The following RB1 variants were observed in gnomAD, a reference collection of about 807,000 sequenced individuals.
RB1 encodes the protein retinoblastoma-associated protein.
A neutral mutation model predicts 135.4 loss-of-function variants in RB1; 18 were observed. The ratio of observed to expected loss-of-function variants is 0.13; its 90% CI spans 0.09 to 0.20. The LOEUF (loss-of-function observed/expected upper bound fraction) is 0.20. Among genes scored for constraint, RB1 ranks in the 10% least tolerant of loss-of-function variants. The pLI is 1.00. For missense variants in RB1, 868 were observed against 1,110.0 expected, an observed-to-expected ratio of 0.78 and a Z score of 3.10; for synonymous variants, 365 against 373.2, an observed-to-expected ratio of 0.98 and a Z score of 0.25.
intron 2 of RB1, chr13:48,318,381 G>A (rs1316513562): frequency 6.7e-7 from 1 of 1,492,036 alleles, no homozygotes; most frequent in Non-Finnish European, 9.2e-7. Flanking sequence ...CTTTCGCTTG[G>A]ACCTTAAGTC....
At chr13:48,364,845 G>T in intron 8 of RB1, 49 bp from the exon 9 acceptor site, 1 of 1,536,412 alleles carries the variant, frequency 6.5e-7, no homozygotes, top group South Asian at 1.2e-5. Flanking sequence ...CAAGAGATTA[G>T]ATTTTGTTTT....
Position 48,319,851 on chromosome 13 carries a change from CG to C in RB1, c.264+12448del. 1 of 328,624 alleles carries C rather than the reference CG, an allele frequency of 3.0e-6. No individual in the cohort carries two copies. The allele number at this position is 328,624 out of a possible 1,614,324, so 20.4% of individuals were successfully genotyped here. A position where few individuals can be genotyped will look rare whatever the true frequency, so the allele number is the denominator to read the frequency against. ...AGGAGTCGTTGCTGCTCGCTCTGAC[CG>C]GGAAGGCAGAACCCTAGTCCTCACT... On this transcript the variant is annotated intron_variant, in intron 2 of 26. Transcript: ENST00000267163. The surrounding 1 kb of genome is among the most constrained non-coding windows in gnomAD (Gnocchi z 5.0).
At chr13:48,316,733 A>T (rs1373788784) in intron 2 of RB1, 8 of 18,178 alleles carry the variant, frequency 4.4e-4, no homozygotes, top group African/African-American at 2.0e-3. Context: ...ACACACACAC[A>T]CACACACACA....
At chr13:48,410,176 A>G (rs917977216) in intron 17 of RB1, among the ~76,000 whole-genome samples, 2 of 152,224 alleles carry the variant, frequency 1.3e-5, no homozygotes, top group African/African-American at 4.8e-5. Flanking sequence ...ATTTACAGTC[A>G]TGCATCACGT....
At chr13:48,431,125 C>G (rs749545164) in intron 17 of RB1, among the ~76,000 whole-genome samples, 4 of 122,704 alleles carry the variant, frequency 3.3e-5, no homozygotes, top group Non-Finnish European at 7.2e-5. Context: ...GGAAACAAGT[C>G]TGTTAGAACA....
At chr13:48,391,803 G>C (rs1011525949) in intron 17 of RB1, among the ~76,000 whole-genome samples, 1 of 151,686 alleles carries the variant, frequency 6.6e-6, no homozygotes, top group Non-Finnish European at 1.5e-5. Flanking sequence ...ATTTTTAGTA[G>C]AGAAAGGGTT....
intron 17 of RB1, among the ~76,000 whole-genome samples, chr13:48,440,251 G>A (rs926178101): frequency 8.5e-5 from 13 of 152,096 alleles, no homozygotes; most frequent in East Asian, 3.9e-4. Flanking sequence ...AAATATAACC[G>A]AAAACTAAAG....
intron 17 of RB1, 126 bp downstream of exon 17, chr13:48,381,569 C>A (rs1948536626): frequency 3.2e-6 from 3 of 933,882 alleles, no homozygotes; most frequent in South Asian, 1.5e-5. Flanking sequence ...AATGTTATTT[C>A]AGTCTATAGC....
chr13:48,451,645 G>T (rs1358286088), intron 17 of RB1, among the ~76,000 whole-genome samples: 1 of 152,070 alleles, frequency 6.6e-6, no homozygotes, highest in Non-Finnish European at 1.5e-5. Context: ...AAATAAGTTA[G>T]GGAGGAGTCC....
At position 48,303,855 on chromosome 13, in the gene RB1, G is replaced by C. The variant is rs2138026634; in HGVS notation, c.-58G>C. On this transcript the variant is annotated 5_prime_UTR_variant, in exon 1 of 27. Coordinates refer to ENST00000267163, the MANE Select transcript of RB1 (RefSeq NM_000321.3). Reference sequence around the variant, plus strand: ...ACGGGGCGTGCCCCGACGTGCGCGCGCGTCGTCCTCCCCGGCGCTCCTCCA... The same window carrying C: ...ACGGGGCGTGCCCCGACGTGCGCGCCCGTCGTCCTCCCCGGCGCTCCTCCA... 6.7e-7 allele frequency: 1 copy of C among 1,499,864 alleles called. No homozygotes were observed. Among genetic ancestry groups the C allele is most frequent in the Non-Finnish European group, 8.8e-7 (1 of 1,131,794 alleles). The allele number at this position is 1,499,864 out of a possible 1,614,324, so 92.9% of individuals were successfully genotyped here. A position where few individuals can be genotyped will look rare whatever the true frequency, so the allele number is the denominator to read the frequency against.
chr13:48,318,929 C>T lies in RB1; in HGVS notation c.264+11523C>T, dbSNP rs117115582. 2.3e-4 allele frequency: 254 copies of T among 1,100,892 alleles called. 3 individuals carry two copies. Among genetic ancestry groups the T allele is most frequent in the East Asian group, 2.3e-3 (96 of 41,620 alleles). 68.2% of individuals were successfully genotyped at this position (1,100,892 alleles called of 1,614,324 possible). ...CACGGAGCTACTGTCGCCGTCAGAGCGGGAAGGCACGTTCAGGGAGTAGAA... is the reference window on the plus strand; with the variant it reads ...CACGGAGCTACTGTCGCCGTCAGAGTGGGAAGGCACGTTCAGGGAGTAGAA... On this transcript the variant is annotated intron_variant, in intron 2 of 26. Transcript: ENST00000267163.
intron 1 of RB1, among the ~76,000 whole-genome samples, chr13:48,306,188 T>TA (rs1460781206): frequency 3.9e-5 from 6 of 152,182 alleles, no homozygotes; most frequent in Non-Finnish European, 8.8e-5. Flanking sequence ...GAAGATTGCT[T>TA]GAGGCCAGGA....
At chr13:48,332,687 T>C (rs1294074717) in intron 2 of RB1, among the ~76,000 whole-genome samples, 1 of 152,218 alleles carries the variant, frequency 6.6e-6, no homozygotes, top group Non-Finnish European at 1.5e-5. Flanking sequence ...CTAAGAGAAA[T>C]CTTAAGTATC....
chr13:48,319,070 C>T lies in RB1; in HGVS notation c.264+11664C>T. On this transcript the variant is annotated intron_variant, in intron 2 of 26. Transcript: ENST00000267163. This position sits in a 1 kb window ranked among gnomAD's most constrained non-coding sequence, Gnocchi z 5.0. ...CAGTTCAGCGGACGTGTCTGCCTGG[C>T]ACGAGGACCGTTCTACAAACTCGTT... 6.5e-6 allele frequency: 4 copies of T among 618,028 alleles called. No individual in the cohort carries two copies. The highest frequency in any genetic ancestry group is 6.0e-5 in the South Asian group (4 of 66,666). 38.3% of individuals were successfully genotyped at this position (618,028 alleles called of 1,614,324 possible).
At chr13:48,308,123 A>G (rs988351879) in intron 2 of RB1, among the ~76,000 whole-genome samples, 5 of 151,758 alleles carry the variant, frequency 3.3e-5, no homozygotes, top group African/African-American at 1.2e-4. Context: ...GCGTAAGTAT[A>G]GATGTATATG....
At position 48,465,249 on chromosome 13, in the gene RB1, C is replaced by T. The variant is rs794727372; in HGVS notation, c.2370C>T (p.Tyr790=). 5.0e-6 allele frequency: 8 copies of T among 1,613,774 alleles called. No individual in the cohort carries two copies. The African/African-American group carries it at 6.7e-5, about 13-fold the overall frequency. Residue 790 remains tyrosine, a synonymous_variant, in exon 23 of 27, where the codon TAC becomes TAT. Transcript: ENST00000267163. ...SPIPHIPRSP[Y]KFPSSPLRIP... Reference sequence around the variant, plus strand: ...TACCTCACATTCCTCGAAGCCCTTACAAGTTTCCTAGTTCACCCTTACGGA... The same window carrying T: ...TACCTCACATTCCTCGAAGCCCTTATAAGTTTCCTAGTTCACCCTTACGGA...
intron 17 of RB1, among the ~76,000 whole-genome samples, chr13:48,438,907 T>C (rs1178455161): frequency 1.3e-5 from 2 of 152,014 alleles, no homozygotes; most frequent in Non-Finnish European, 2.9e-5. Context: ...AACAACTCTA[T>C]GTAGTGGGTA....
intron 17 of RB1, among the ~76,000 whole-genome samples, chr13:48,389,122 G>T (rs1948593063): frequency 6.6e-6 from 1 of 151,982 alleles, no homozygotes; most frequent in African/African-American, 2.4e-5. Context: ...TTGTGCCACT[G>T]CACTCCAGCC....
At chr13:48,432,743 G>T (rs769766852) in intron 17 of RB1, among the ~76,000 whole-genome samples, 1 of 151,624 alleles carries the variant, frequency 6.6e-6, no homozygotes, top group African/African-American at 2.4e-5. Flanking sequence ...TTGAGTAAGC[G>T]TACAGGAATA....
Sources: gnomAD v4.1 joint callset for allele counts (sites outside exome capture counted in the v4.1 genomes callset) on GRCh38, gnomAD v4.1.1 for gene constraint, Gnocchi (gnomAD v3.1) non-coding constraint, MANE v1.5 for transcripts, NCBI Gene and HGNC (gene_info 2026-07-23, HGNC 2026-07-21) for gene names.